Variants in IFT56 observed in about 807,000 individuals in gnomAD.
The protein encoded by IFT56 is intraflagellar transport 56, also known as intraflagellar transport protein 56.
the IFT56 span, among the ~76,000 whole-genome samples, chr7:139,158,359 G>T: frequency 4.7e-5 from 7 of 150,078 alleles, no homozygotes; most frequent in Non-Finnish European, 8.8e-5. Context: ...TCCTTGTAAG[G>T]TTTTTTATCT....
At chr7:139,162,774 C>G in the IFT56 span, among the ~76,000 whole-genome samples, 3 of 151,610 alleles carry the variant, frequency 2.0e-5, no homozygotes, top group Admixed American at 6.6e-5. Flanking sequence ...GCCTGACCAA[C>G]ATGGTGAAAC....
chr7:139,135,662 G>A, the IFT56 span, among the ~76,000 whole-genome samples: 1 of 152,148 alleles, frequency 6.6e-6, no homozygotes, highest in Non-Finnish European at 1.5e-5. Flanking sequence ...AAGGTGAGTA[G>A]TCTAAGTGCT....
the IFT56 span, among the ~76,000 whole-genome samples, chr7:139,179,146 G>C: frequency 6.6e-6 from 1 of 152,246 alleles, no homozygotes; most frequent in Non-Finnish European, 1.5e-5. Flanking sequence ...TCAGAAGGCT[G>C]AAAAGTGGGA....
At chr7:139,168,439 T>C in the IFT56 span, 25 of 1,486,372 alleles carry the variant, frequency 1.7e-5, no homozygotes, top group Admixed American at 3.4e-5. Flanking sequence ...TGCAAAGTTA[T>C]AAGTGTATGG....
chr7:139,147,799 C>T, the IFT56 span, among the ~76,000 whole-genome samples: 2 of 152,164 alleles, frequency 1.3e-5, no homozygotes, highest in South Asian at 2.1e-4. Flanking sequence ...TGGCCTCTCT[C>T]TCCCTTCCCA....
chr7:139,151,029 G>A, the IFT56 span, among the ~76,000 whole-genome samples: 2 of 152,168 alleles, frequency 1.3e-5, no homozygotes, highest in Non-Finnish European at 2.9e-5. Flanking sequence ...TTGTGTCCCA[G>A]GACTGGGCAC....
At chr7:139,144,524 G>T in the IFT56 span, among the ~76,000 whole-genome samples, 1 of 151,860 alleles carries the variant, frequency 6.6e-6, no homozygotes, top group Non-Finnish European at 1.5e-5. Flanking sequence ...TTAATTAAAA[G>T]AATCCTTGGT....
the IFT56 span, among the ~76,000 whole-genome samples, chr7:139,160,337 T>C: frequency 6.6e-6 from 1 of 152,328 alleles, no homozygotes; most frequent in East Asian, 1.9e-4. Context: ...GTTAATCACC[T>C]TTGACACTGA....
the IFT56 span, among the ~76,000 whole-genome samples, chr7:139,187,804 A>G: frequency 6.6e-6 from 1 of 152,188 alleles, no homozygotes; most frequent in African/African-American, 2.4e-5. Flanking sequence ...AACAGCCTCC[A>G]AATATAAGAG....
At chr7:139,144,587 G>A in the IFT56 span, among the ~76,000 whole-genome samples, 1 of 151,176 alleles carries the variant, frequency 6.6e-6, no homozygotes, top group South Asian at 2.1e-4. Flanking sequence ...TTCCTTCTAG[G>A]CTCCCAGTAA....
the IFT56 span, among the ~76,000 whole-genome samples, chr7:139,174,936 G>A: frequency 9.9e-5 from 15 of 152,040 alleles, no homozygotes; most frequent in African/African-American, 2.7e-4. Flanking sequence ...CAGGAGAATC[G>A]CTTGAATCCA....
At chr7:139,135,572 A>G in the IFT56 span, among the ~76,000 whole-genome samples, 1 of 152,236 alleles carries the variant, frequency 6.6e-6, no homozygotes, top group Admixed American at 6.5e-5. Flanking sequence ...ATACATTGGA[A>G]TTACCTAGGG....
the IFT56 span, chr7:139,191,180 A>G: frequency 6.6e-6 from 1 of 152,238 alleles, no homozygotes; most frequent in Non-Finnish European, 1.5e-5. Flanking sequence ...CAGAGCACAA[A>G]TCAAAATAAA....
the IFT56 span, among the ~76,000 whole-genome samples, chr7:139,184,873 T>C: frequency 2.0e-5 from 3 of 150,336 alleles, no homozygotes; most frequent in African/African-American, 7.5e-5. Context: ...GTTAACACAG[T>C]GAAACCCCGT....
the IFT56 span, chr7:139,181,151 G>A: frequency 2.5e-4 from 399 of 1,613,174 alleles, 1 homozygote; most frequent in African/African-American, 4.3e-3. Context: ...GGAAACCTCC[G>A]GCGAGTCCTT....
chr7:139,146,923 G>A, the IFT56 span: 1 of 1,342,268 alleles, frequency 7.5e-7, no homozygotes, highest in Non-Finnish European at 1.0e-6. Context: ...GTAACCTAAG[G>A]GCTTTCCATT....
chr7:139,144,076 A>G, the IFT56 span, among the ~76,000 whole-genome samples: 8 of 152,088 alleles, frequency 5.3e-5, no homozygotes, highest in African/African-American at 1.7e-4. Flanking sequence ...ATTTATAATT[A>G]GCCATATTTT....
the IFT56 span, chr7:139,178,647 C>G: frequency 2.7e-6 from 4 of 1,508,132 alleles, no homozygotes; most frequent in South Asian, 3.4e-5. Flanking sequence ...CTAAAAACAT[C>G]CTTATCTTTT....
chr7:139,164,974 T>G, the IFT56 span, among the ~76,000 whole-genome samples: 1 of 152,126 alleles, frequency 6.6e-6, no homozygotes, highest in Non-Finnish European at 1.5e-5. Flanking sequence ...CAATAATAAA[T>G]TCAGCCAATA....
Sources: allele counts gnomAD v4.1 joint callset (sites outside exome capture counted in the v4.1 genomes callset), GRCh38; gene constraint gnomAD v4.1.1; transcripts MANE v1.5; gene names NCBI Gene and HGNC (gene_info 2026-07-23, HGNC 2026-07-21).